SNAPC5: variants seen among roughly 807,000 people sequenced by gnomAD.
SNAPC5 encodes snRNA-activating protein complex subunit 5.
Under a neutral mutation model 9.1 loss-of-function variants are expected in SNAPC5, and 12 were observed. The ratio of observed to expected loss-of-function variants is 1.32; its 90% CI spans 0.85 to 2.15. The LOEUF (loss-of-function observed/expected upper bound fraction) is 2.15. Among genes scored for constraint, SNAPC5 ranks in the 30% most tolerant of loss-of-function variants. SNAPC5 has a pLI of 0.00. For synonymous variants in SNAPC5, 52 were observed against 47.3 expected, an observed-to-expected ratio of 1.10 and a Z score of -0.41; for missense variants, 132 against 114.4, an observed-to-expected ratio of 1.15 and a Z score of -0.70.
At chr15:66,495,508 G>C in intron 1 of SNAPC5, 89 bp from the exon 2 acceptor site, 1 of 764,350 alleles carries the variant, frequency 1.3e-6, no homozygotes. Flanking sequence ...TGAAACATTT[G>C]CATCAAGAGA....
At chr15:66,490,066 C>T, downstream of SNAPC5, 1 of 549,388 alleles carries the variant, frequency 1.8e-6, no homozygotes, top group East Asian at 3.2e-5. Context: ...TACTGACTGC[C>T]TCATCTTACA....
chr15:66,491,019 T>C (rs190094372), downstream of SNAPC5: 130 of 422,792 alleles, frequency 3.1e-4, no homozygotes, highest in African/African-American at 2.1e-3. Flanking sequence ...TGGGCATACT[T>C]TCTCTCTAGG....
chr15:66,495,369 C>G lies in SNAPC5; in HGVS notation c.141G>C (p.Glu47Asp), dbSNP rs1180899215. 1.9e-6 allele frequency: 3 copies of G among 1,609,176 alleles called. No homozygotes were observed. The African/African-American group carries it at 4.0e-5, about 21-fold the overall frequency. The change falls in exon 2 of 3, where the codon GAG becomes GAC. Residue 47 changes from glutamate to aspartate, a missense_variant. Coordinates refer to ENST00000316634, the MANE Select transcript of SNAPC5 (RefSeq NM_001329615.2). ...QSMISSRRGD[E>D]MLSSHTVPEQ... ...CAGGTACAGTGTGAGAAGACAGCAT[C>G]TCATCCCCTCTTCTAGAACTGATCA...
chr15:66,497,746 T>C lies in SNAPC5; in HGVS notation c.-15A>G, dbSNP rs73471762. The C allele has an allele frequency of 4.4e-6, 7 of 1,601,982 alleles. No homozygotes were observed. The highest frequency in any genetic ancestry group is 2.2e-5 in the East Asian group (1 of 44,604). On this transcript the variant is annotated 5_prime_UTR_variant, in exon 1 of 3. The change abolishes an upstream ATG in the 5' untranslated region. Transcript: ENST00000316634. Reference sequence around the variant, plus strand: ...CGGCTCAGCATGTTGCCTGGTCACATAGCCAACCTCCGGGCTGCTGTCGGC... The same window carrying C: ...CGGCTCAGCATGTTGCCTGGTCACACAGCCAACCTCCGGGCTGCTGTCGGC...
chr15:66,492,117 T>A (rs1199839982), downstream of SNAPC5: 2 of 453,314 alleles, frequency 4.4e-6, no homozygotes, highest in Non-Finnish European at 8.9e-6. Flanking sequence ...AAAGGAGGAA[T>A]GTGCCTGGCG....
At chr15:66,490,742 G>A (rs771988141), downstream of SNAPC5, 2 of 744,126 alleles carry the variant, frequency 2.7e-6, no homozygotes, top group South Asian at 2.8e-5. Context: ...GAAGAACACA[G>A]CATGTGCCAA....
rs1893485047 is a variant in SNAPC5, at chr15:66,497,629, G to A, written c.90+13C>T. On this transcript the variant is annotated intron_variant, in intron 1 of 2. Transcript: ENST00000316634. ...AGGAATGGAGGAGGGGCAGGAGAGG[G>A]CCGCGGGGTCACCTTGAGGCGGTTC... The A allele has an allele frequency of 6.2e-7, 1 of 1,612,862 alleles. No individual in the cohort carries two copies. Among genetic ancestry groups the A allele is most frequent in the Non-Finnish European group, 8.5e-7 (1 of 1,178,814 alleles).
Position 66,497,676 on chromosome 15 carries a change from T to C in SNAPC5, c.56A>G (p.Lys19Arg). The stretch of plus-strand genomic sequence containing the variant: ...GTTCAGCTGGTCGTGCAGGGCTGCC[T>C]TCAACCGCAGCAGCGTCTCCTCCTC... Reference protein sequence around the residue: ...RKEEETLLRLKAALHDQLNRL... With the variant: ...RKEEETLLRLRAALHDQLNRL... The change falls in exon 1 of 3, where the codon AAG (lysine) becomes AGG (arginine). Residue 19 changes from lysine to arginine, a missense_variant. Coordinates refer to ENST00000316634, the MANE Select transcript of SNAPC5 (RefSeq NM_001329615.2). 2 of 1,613,976 alleles carry C rather than the reference T, an allele frequency of 1.2e-6. No individual in the cohort carries two copies. The highest frequency in any genetic ancestry group is 1.7e-6 in the Non-Finnish European group (2 of 1,180,002).
downstream of SNAPC5, chr15:66,490,614 A>G: frequency 6.2e-7 from 1 of 1,613,706 alleles, no homozygotes; most frequent in Non-Finnish European, 8.5e-7. Flanking sequence ...GCTGGCGTCT[A>G]AGTGTTTGGG....
chr15:66,490,283 T>C, downstream of SNAPC5: 1 of 679,544 alleles, frequency 1.5e-6, no homozygotes, highest in Non-Finnish European at 2.7e-6. Flanking sequence ...ACGAGTAGGC[T>C]CCAAGAGGTG....
chr15:66,490,704 G>C (rs1893227748), downstream of SNAPC5: 1 of 901,054 alleles, frequency 1.1e-6, no homozygotes, highest in Non-Finnish European at 1.9e-6. Flanking sequence ...TCTCTGTTCA[G>C]ATGTGCATTT....
At chr15:66,490,326 G>T (rs776533846), downstream of SNAPC5, 21 of 707,712 alleles carry the variant, frequency 3.0e-5, no homozygotes, top group Non-Finnish European at 5.2e-5. Context: ...GCTGTGACTG[G>T]TGGAGCAGGT....
downstream of SNAPC5, chr15:66,490,897 T>C: frequency 3.9e-6 from 2 of 508,598 alleles, no homozygotes; most frequent in South Asian, 4.1e-5. Context: ...CAGTGAAATT[T>C]TGGTGAATGT....
chr15:66,491,522 TAA>T, downstream of SNAPC5: 2 of 184,076 alleles, frequency 1.1e-5, no homozygotes, highest in African/African-American at 2.4e-5. Flanking sequence ...TACTATGAAA[TAA>T]AAAAAAAAGG....
At chr15:66,495,993 C>T (rs956124613) in intron 1 of SNAPC5, among the ~76,000 whole-genome samples, 40 of 152,108 alleles carry the variant, frequency 2.6e-4, no homozygotes, top group Non-Finnish European at 5.0e-4. Flanking sequence ...GAGGCTGAGG[C>T]GGGCGGATCA....
chr15:66,497,758 G>A lies in SNAPC5; in HGVS notation c.-27C>T, dbSNP rs762364690. ...TTGCCTGGTCACATAGCCAACCTCCGGGCTGCTGTCGGCCCGGCACTCGGT... is the reference window on the plus strand; with the variant it reads ...TTGCCTGGTCACATAGCCAACCTCCAGGCTGCTGTCGGCCCGGCACTCGGT... On this transcript the variant is annotated 5_prime_UTR_variant, in exon 1 of 3. Coordinates refer to ENST00000316634, the MANE Select transcript of SNAPC5 (RefSeq NM_001329615.2). The A allele has an allele frequency of 1.4e-5, 22 of 1,583,042 alleles. No homozygotes were observed. The highest frequency in any genetic ancestry group is 2.3e-5 in the East Asian group (1 of 44,284).
At chr15:66,489,862 G>A (rs1187943045), downstream of SNAPC5, 1 of 1,006,664 alleles carries the variant, frequency 9.9e-7, no homozygotes, top group Non-Finnish European at 1.6e-6. Context: ...TTCATTCCCT[G>A]CCCACTGTGG....
downstream of SNAPC5, chr15:66,490,046 C>T (rs1893194244): frequency 3.5e-6 from 2 of 566,712 alleles, no homozygotes; most frequent in Non-Finnish European, 6.3e-6. Flanking sequence ...GGGATGCGGC[C>T]TTTCCCTAAT....
chr15:66,495,206 T>A (rs888221980), intron 2 of SNAPC5, 124 bp downstream of exon 2: 8 of 751,168 alleles, frequency 1.1e-5, no homozygotes, highest in Admixed American at 5.6e-5. Flanking sequence ...AAAACTGTTA[T>A]CAGCACTTCT....
Sources: gnomAD v4.1 joint callset for allele counts (sites outside exome capture counted in the v4.1 genomes callset) on GRCh38, gnomAD v4.1.1 for gene constraint, MANE v1.5 for transcripts, NCBI Gene and HGNC (gene_info 2026-07-23, HGNC 2026-07-21) for gene names.